The following ATP2B3 variants were observed in gnomAD, a reference collection of about 807,000 sequenced individuals.
The protein encoded by ATP2B3 is ATPase plasma membrane Ca2+ transporting 3, also known as plasma membrane calcium-transporting ATPase 3.
Under a neutral mutation model 70.8 loss-of-function variants are expected in ATP2B3, and 12 were observed. The observed-to-expected ratio is 0.17, with a 90% CI of 0.11 to 0.27. ATP2B3 has a LOEUF of 0.27. Ranked by LOEUF, ATP2B3 falls within the 10% of genes least tolerant of loss-of-function variation. ATP2B3 has a pLI of 1.00. For synonymous variants in ATP2B3, 460 were observed against 497.8 expected (o/e 0.92, Z 1.01); for missense variants, 858 against 1,118.5 (o/e 0.77, Z 3.32).
chrX:153,527,738 G>A (rs1434481099), intron 2 of ATP2B3, among the ~76,000 whole-genome samples: 8 of 112,477 alleles, frequency 7.1e-5, no homozygotes, highest in Non-Finnish European at 1.3e-4. Flanking sequence ...TTCAGCCCCC[G>A]GCCGAACGGA....
chrX:153,548,098 G>A (rs1603068179), intron 9 of ATP2B3, 99 bp downstream of exon 9: 2 of 1,065,103 alleles, frequency 1.9e-6, no homozygotes, highest in East Asian at 6.3e-5. Context: ...CAGGTGGGAA[G>A]GGATGTGGCA....
intron 12 of ATP2B3, among the ~76,000 whole-genome samples, chrX:153,552,083 C>T (rs1394680771): frequency 8.9e-6 from 1 of 112,658 alleles, no homozygotes; most frequent in Non-Finnish European, 1.9e-5. Context: ...GGACCACCTC[C>T]TCCCTGGAGC....
At chrX:153,519,291 T>C (rs1396204058) in intron 2 of ATP2B3, among the ~76,000 whole-genome samples, 1 of 112,259 alleles carries the variant, frequency 8.9e-6, no homozygotes, top group Non-Finnish European at 1.9e-5. Flanking sequence ...GATTCAGCCC[T>C]GAATTGAGGC....
intron 21 of ATP2B3, among the ~76,000 whole-genome samples, chrX:153,566,809 G>A (rs782595025): frequency 3.6e-5 from 4 of 111,224 alleles, no homozygotes; most frequent in East Asian, 2.8e-4. Flanking sequence ...CTCCCGCTGC[G>A]TCCCCTGGGC....
intron 5 of ATP2B3, 146 bp downstream of exon 5, chrX:153,542,072 TGGGGGA>T: frequency 1.3e-5 from 1 of 76,961 alleles, no homozygotes; most frequent in Non-Finnish European, 2.0e-5. Flanking sequence ...GTGGCGGGGG[TGGGGGA>T]GGTGGGGGAA....
chrX:153,519,832 G>A (rs782589003), intron 2 of ATP2B3, among the ~76,000 whole-genome samples: 7 of 112,256 alleles, frequency 6.2e-5, no homozygotes, highest in Non-Finnish European at 1.1e-4. Flanking sequence ...TGGGGCGGGC[G>A]TGGGAGGGGG....
intron 21 of ATP2B3, among the ~76,000 whole-genome samples, chrX:153,568,079 C>T (rs1254971863): frequency 2.7e-5 from 3 of 111,872 alleles, no homozygotes; most frequent in Non-Finnish European, 5.6e-5. Flanking sequence ...GAGGCCGGCA[C>T]AAGCTTTTCT....
chrX:153,535,349 T>TG (rs2124376565), intron 2 of ATP2B3, among the ~76,000 whole-genome samples: 1 of 111,476 alleles, frequency 9.0e-6, no homozygotes, highest in African/African-American at 3.3e-5. Context: ...CACCATGCTG[T>TG]GGGCTGGGAC....
intron 2 of ATP2B3, among the ~76,000 whole-genome samples, chrX:153,522,730 C>T (rs1216844286): frequency 8.9e-6 from 1 of 111,862 alleles, no homozygotes; most frequent in Non-Finnish European, 1.9e-5. Context: ...AGCAGCTCAC[C>T]GTGCTGTGGG....
chrX:153,578,818 G>GGC (rs2090889246), intron 21 of ATP2B3, among the ~76,000 whole-genome samples: 1 of 112,399 alleles, frequency 8.9e-6, no homozygotes, highest in African/African-American at 3.2e-5. Context: ...GGAAGATGGA[G>GGC]GAGGAGACGG....
intron 2 of ATP2B3, among the ~76,000 whole-genome samples, chrX:153,519,376 G>A (rs782752197): frequency 5.4e-5 from 6 of 111,914 alleles, no homozygotes; most frequent in South Asian, 3.8e-4. Context: ...AGAGGTTATC[G>A]TAATAATCAA....
intron 13 of ATP2B3, among the ~76,000 whole-genome samples, 193 bp from the exon 14 acceptor site, chrX:153,555,856 A>G (rs2090526102): frequency 8.9e-6 from 1 of 112,728 alleles, no homozygotes; most frequent in Non-Finnish European, 1.9e-5. Context: ...GTATTCCACA[A>G]TAGGCTTTGT....
At chrX:153,518,278 C>A (rs111310928) in intron 1 of ATP2B3, among the ~76,000 whole-genome samples, 154 bp from the exon 2 acceptor site, 7,305 of 112,325 alleles carry the variant, frequency 0.065, 545 homozygotes, top group African/African-American at 0.22. Flanking sequence ...CCCTCCCCCC[C>A]GCGCCCTCAC....
At chrX:153,579,867 G>A in intron 21 of ATP2B3, 111 bp from the exon 22 acceptor site, 1 of 714,567 alleles carries the variant, frequency 1.4e-6, no homozygotes, top group Non-Finnish European at 2.1e-6. Context: ...GCCGGCCACT[G>A]ACTGTCTCCT....
intron 11 of ATP2B3, 51 bp downstream of exon 11, chrX:153,549,790 G>C: frequency 8.5e-7 from 1 of 1,174,424 alleles, no homozygotes; most frequent in Non-Finnish European, 1.1e-6. Context: ...GAGCAGGGGA[G>C]GGTCCTGGCC....
chrX:153,569,277 C>T (rs2090754222), intron 21 of ATP2B3: 1 of 507,154 alleles, frequency 2.0e-6, no homozygotes, highest in Non-Finnish European at 3.6e-6. Context: ...AGGTTGAGAA[C>T]TATGAAGTAC....
rs370810949 is a variant in ATP2B3 at position 153,546,501 on chromosome X, C to A, written c.958+372C>A. On this transcript the variant is annotated intron_variant, in intron 8 of 21. Coordinates refer to ENST00000263519, the MANE Select transcript of ATP2B3 (RefSeq NM_001001344.3). ...GCTCTGGGTCCCAGTCAGTGTGTTT[C>A]CCAGGCCAGCTTCCTTTCAGCCAAG... Among the ~76,000 whole-genome samples, 42 of 113,256 alleles carry A rather than the reference C, an allele frequency of 3.7e-4. 1 individual carries two copies. Among genetic ancestry groups the A allele is most frequent in the African/African-American group, 1.2e-3 (39 of 31,237 alleles).
chrX:153,557,634 C>T (rs782208318), intron 16 of ATP2B3, among the ~76,000 whole-genome samples: 1 of 112,212 alleles, frequency 8.9e-6, no homozygotes, highest in African/African-American at 3.2e-5. Flanking sequence ...AGGCTTGGGG[C>T]AGAGGAGAGG....
chrX:153,540,081 G>A (rs2090256989), intron 3 of ATP2B3, among the ~76,000 whole-genome samples: 1 of 112,319 alleles, frequency 8.9e-6, no homozygotes, highest in Non-Finnish European at 1.9e-5. Flanking sequence ...TTAGAACCAA[G>A]GCTGCTGGGT....
Sources: allele counts gnomAD v4.1 joint callset (sites outside exome capture counted in the v4.1 genomes callset), GRCh38; gene constraint gnomAD v4.1.1; transcripts MANE v1.5; gene names NCBI Gene and HGNC (gene_info 2026-07-23, HGNC 2026-07-21).